The following ARHGAP24 variants were observed in gnomAD, a reference collection of about 807,000 sequenced individuals.
ARHGAP24 encodes rho GTPase-activating protein 24.
A neutral mutation model predicts 76.4 loss-of-function variants in ARHGAP24; 50 were observed. The ratio of observed to expected loss-of-function variants is 0.65; its 90% CI spans 0.52 to 0.83. The LOEUF (loss-of-function observed/expected upper bound fraction) is 0.83, where lower values mean the gene tolerates loss of function less well. Among genes scored for constraint, ARHGAP24 ranks in the 40% least tolerant of loss-of-function variants. The pLI, the probability that ARHGAP24 is intolerant of heterozygous loss-of-function variation, is 0.00. For synonymous variants in ARHGAP24, 345 were observed against 323.3 expected (o/e 1.07, Z -0.72); for missense variants, 930 against 914.2 (o/e 1.02, Z -0.22).
At chr4:85,787,795 G>A (rs973822431) in intron 3 of ARHGAP24, among the ~76,000 whole-genome samples, 3 of 152,094 alleles carry the variant, frequency 2.0e-5, no homozygotes, top group African/African-American at 4.8e-5. Context: ...ACCATGCTGG[G>A]TACTCCCTGA....
chr4:85,502,517 CTCTG>C (rs1380762161), intron 1 of ARHGAP24, among the ~76,000 whole-genome samples: 2 of 151,940 alleles, frequency 1.3e-5, no homozygotes, highest in Non-Finnish European at 1.5e-5. Flanking sequence ...TGATTTGGCT[CTCTG>C]TCTGTTATTG....
At chr4:85,623,603 A>T (rs1433096373) in intron 2 of ARHGAP24, among the ~76,000 whole-genome samples, 2 of 152,004 alleles carry the variant, frequency 1.3e-5, no homozygotes, top group Non-Finnish European at 2.9e-5. Context: ...TGAACTTTAA[A>T]GTAGTTTTTT....
At chr4:85,938,879 C>T (rs1736802599) in intron 4 of ARHGAP24, among the ~76,000 whole-genome samples, 1 of 151,544 alleles carries the variant, frequency 6.6e-6, no homozygotes, top group African/African-American at 2.4e-5. Flanking sequence ...TTTCTCAGCA[C>T]AAATTATTTA....
intron 2 of ARHGAP24, among the ~76,000 whole-genome samples, chr4:85,592,723 A>G (rs1325138591): frequency 6.6e-6 from 1 of 152,166 alleles, no homozygotes; most frequent in Non-Finnish European, 1.5e-5. Flanking sequence ...CACATATAAG[A>G]GAGAATATGC....
At position 85,725,892 on chromosome 4, in the gene ARHGAP24, C is replaced by T. The variant is rs757065612; in HGVS notation, c.268+3920C>T. ...TCCAGGGGTTATCAGCTTCAGTGCC[C>T]AGCAAGGTCAGTGGCTTGCCAAGCT... On this transcript the variant is annotated intron_variant, in intron 3 of 9. Transcript: ENST00000395184. Among the ~76,000 whole-genome samples the T allele has an allele frequency of 9.5e-4, 145 of 152,270 alleles. 1 individual carries two copies. The highest frequency in any genetic ancestry group is 1.3e-3 in the Non-Finnish European group (91 of 68,008).
intron 2 of ARHGAP24, among the ~76,000 whole-genome samples, chr4:85,633,424 G>A (rs1210219217): frequency 6.6e-6 from 1 of 151,832 alleles, no homozygotes; most frequent in Non-Finnish European, 1.5e-5. Context: ...TCTTCCATTA[G>A]TATAGATCTG....
intron 3 of ARHGAP24, among the ~76,000 whole-genome samples, chr4:85,873,483 C>G (rs1043548926): frequency 1.3e-5 from 2 of 152,108 alleles, no homozygotes; most frequent in African/African-American, 4.8e-5. Flanking sequence ...TCGTGCAGTG[C>G]AGAGGATTTA....
intron 2 of ARHGAP24, among the ~76,000 whole-genome samples, chr4:85,598,665 T>C (rs528048997): frequency 6.6e-6 from 1 of 151,966 alleles, no homozygotes; most frequent in East Asian, 1.9e-4. Context: ...ATAATAATCC[T>C]ATTTGATTAT....
intron 1 of ARHGAP24, among the ~76,000 whole-genome samples, chr4:85,515,092 T>A (rs1301526200): frequency 1.3e-5 from 2 of 152,118 alleles, no homozygotes; most frequent in Non-Finnish European, 2.9e-5. Flanking sequence ...AATTCATCCT[T>A]AGGTGAATAA....
intron 3 of ARHGAP24, among the ~76,000 whole-genome samples, chr4:85,896,709 C>A (rs1356387092): frequency 6.6e-6 from 1 of 152,168 alleles, no homozygotes. Context: ...GCTTGCATTT[C>A]AATTGTCCTC....
At chr4:85,717,721 T>C (rs1724784839) in intron 2 of ARHGAP24, among the ~76,000 whole-genome samples, 1 of 152,178 alleles carries the variant, frequency 6.6e-6, no homozygotes, top group Admixed American at 6.6e-5. Context: ...TTTATATACT[T>C]TTCCTAACTA....
At chr4:85,834,889 T>C (rs1730179929) in intron 3 of ARHGAP24, among the ~76,000 whole-genome samples, 1 of 152,136 alleles carries the variant, frequency 6.6e-6, no homozygotes, top group Non-Finnish European at 1.5e-5. Context: ...TTCAAATATC[T>C]CCAAGGGAGT....
chr4:85,877,754 A>C (rs1263107069), intron 3 of ARHGAP24, among the ~76,000 whole-genome samples: 1 of 152,202 alleles, frequency 6.6e-6, no homozygotes, highest in Non-Finnish European at 1.5e-5. Flanking sequence ...GTATTTCATA[A>C]ACTGTTTAAG....
At chr4:85,855,699 A>G (rs1452646164) in intron 3 of ARHGAP24, among the ~76,000 whole-genome samples, 8 of 151,344 alleles carry the variant, frequency 5.3e-5, no homozygotes, top group Non-Finnish European at 8.8e-5. Context: ...AATGGCTTGA[A>G]CCCAGGAGGT....
At chr4:85,487,337 T>C (rs1397568445) in intron 1 of ARHGAP24, among the ~76,000 whole-genome samples, 9 of 115,846 alleles carry the variant, frequency 7.8e-5, no homozygotes, top group Admixed American at 5.6e-4. Context: ...ATTATAAATT[T>C]ATATACATTT....
chr4:85,652,948 T>C (rs1175356691), intron 2 of ARHGAP24, among the ~76,000 whole-genome samples: 3 of 152,232 alleles, frequency 2.0e-5, no homozygotes, highest in Non-Finnish European at 4.4e-5. Context: ...TTGCTACTTT[T>C]TGTTTCAGTG....
intron 2 of ARHGAP24, among the ~76,000 whole-genome samples, chr4:85,637,997 C>T (rs1721387473): frequency 6.6e-6 from 1 of 152,066 alleles, no homozygotes; most frequent in South Asian, 2.1e-4. Flanking sequence ...TCTGCTGTGC[C>T]ACAAACCATC....
chr4:85,667,091 G>T (rs1560576777), intron 2 of ARHGAP24, among the ~76,000 whole-genome samples: 1 of 152,156 alleles, frequency 6.6e-6, no homozygotes. Flanking sequence ...TCTGTGCCCT[G>T]CCCCCAGAGG....
chr4:85,786,392 G>A (rs958962895), intron 3 of ARHGAP24, among the ~76,000 whole-genome samples: 50 of 152,176 alleles, frequency 3.3e-4, no homozygotes, highest in African/African-American at 1.2e-3. Flanking sequence ...ATTCATAGGA[G>A]CTACTTTTTA....
Sources: gnomAD v4.1 joint callset for allele counts (sites outside exome capture counted in the v4.1 genomes callset) on GRCh38, gnomAD v4.1.1 for gene constraint, MANE v1.5 for transcripts, NCBI Gene and HGNC (gene_info 2026-07-23, HGNC 2026-07-21) for gene names.